Variants in TNFRSF21 observed in about 807,000 individuals in gnomAD.
TNFRSF21 encodes TNF receptor superfamily member 21.
Under a neutral mutation model 45.6 loss-of-function variants are expected in TNFRSF21, and 19 were observed. The ratio of observed to expected loss-of-function variants is 0.42; its 90% CI spans 0.29 to 0.61. The LOEUF (loss-of-function observed/expected upper bound fraction) is 0.61, where lower values mean the gene tolerates loss of function less well. Ranked by LOEUF, TNFRSF21 falls within the 20% of genes least tolerant of loss-of-function variation. TNFRSF21 has a pLI of 0.23. For synonymous variants in TNFRSF21, 314 were observed against 335.5 expected (o/e 0.94, Z 0.70); for missense variants, 737 against 851.5 (o/e 0.87, Z 1.67).
intron 1 of TNFRSF21, among the ~76,000 whole-genome samples, chr6:47,305,971 T>C (rs1270473655): frequency 1.3e-5 from 2 of 152,190 alleles, no homozygotes; most frequent in Non-Finnish European, 2.9e-5. Flanking sequence ...ATGGATCTTG[T>C]CTCTGCCTTA....
At chr6:47,243,735 C>T (rs1764783083) in intron 4 of TNFRSF21, among the ~76,000 whole-genome samples, 1 of 152,108 alleles carries the variant, frequency 6.6e-6, no homozygotes, top group South Asian at 2.1e-4. Context: ...CTATTCTTCA[C>T]CTGGCCTTTT....
rs1338795760 is a variant in TNFRSF21 at position 47,284,235 on chromosome 6, T to C, written c.946A>G (p.Met316Val). ...GACTTCTCGCCCCCAGTGGCCTCCA[T>C]GGACGGCAGCAGCTTCAGGATGTGT... is the stretch of plus-strand genomic sequence containing the variant. Reference protein sequence around the residue: ...HRHILKLLPSMEATGGEKSST... With the variant: ...HRHILKLLPSVEATGGEKSST... The change falls in exon 3 of 6, where the codon ATG becomes GTG. Residue 316 changes from methionine (M) to valine (V), a missense_variant. Physicochemically the swap from Met to Val is conservative, Grantham distance 21. Transcript: ENST00000296861. 4 of 1,613,864 alleles carry C rather than the reference T, an allele frequency of 2.5e-6. No individual in the cohort carries two copies. Among genetic ancestry groups the C allele is most frequent in the South Asian group, 1.1e-5 (1 of 91,054 alleles).
At chr6:47,286,918 G>GT (rs1762657836) in intron 1 of TNFRSF21, among the ~76,000 whole-genome samples, 1 of 152,156 alleles carries the variant, frequency 6.6e-6, no homozygotes, top group South Asian at 2.1e-4. Flanking sequence ...TTGAGAATAT[G>GT]TATGTGAAAA....
chr6:47,269,208 C>T (rs1762378232), intron 3 of TNFRSF21, among the ~76,000 whole-genome samples: 1 of 151,304 alleles, frequency 6.6e-6, no homozygotes, highest in Admixed American at 6.6e-5. Context: ...CACACACACA[C>T]AGACACACAC....
rs991000154 is a variant in TNFRSF21, at chr6:47,255,515, G to A, written c.1244-1994C>T. Among the ~76,000 whole-genome samples the A allele has an allele frequency of 5.1e-4, 77 of 151,900 alleles. 2 individuals are homozygous for A. The highest frequency in any genetic ancestry group is 6.8e-3 in the Middle Eastern group (2 of 292). ...TTGCTCTTGTCAGCTAGGCTGGAGT[G>A]CAATGGTGCCATCTCGGCTCACTGC... On this transcript the variant is annotated intron_variant, in intron 3 of 5. Transcript: ENST00000296861.
At position 47,306,178 on chromosome 6, in the gene TNFRSF21, T is replaced by C. The variant is rs539170197; in HGVS notation, c.96+3238A>G. 2.6e-5 allele frequency among the ~76,000 whole-genome samples: 4 copies of C among 152,362 alleles called. No individual in the cohort carries two copies. The South Asian group carries it at 6.2e-4, about 24-fold the overall frequency. On this transcript the variant is annotated intron_variant, in intron 1 of 5. Coordinates refer to ENST00000296861, the MANE Select transcript of TNFRSF21 (RefSeq NM_014452.5). ...AACCCAGCTCTTGTCTTTCAGTGTA[T>C]GTTTTACTTTCTATTATCATGCAGA...
chr6:47,286,294 C>T lies in TNFRSF21; in HGVS notation c.398G>A (p.Cys133Tyr), dbSNP rs1388196861. Residue 133 changes from cysteine to tyrosine, a missense_variant, in exon 2 of 6, where the codon TGC becomes TAC. Physicochemically the swap from Cys to Tyr is radical, Grantham distance 194. Transcript: ENST00000296861. ...GTTAGACTGGAACATGCCAGGTGGG[C>T]AAGTGCATTCTCGGTCAGTCAAGGC... ...CAALTDRECTCPPGMFQSNAT... is the reference protein window; with the variant it reads ...CAALTDRECTYPPGMFQSNAT... The T allele has an allele frequency of 6.2e-7, 1 of 1,614,256 alleles. No individual in the cohort carries two copies. The highest frequency in any genetic ancestry group is 8.5e-7 in the Non-Finnish European group (1 of 1,180,048).
In TNFRSF21 at chr6:47,253,637, T is replaced by A. The variant is rs139718415; in HGVS notation, c.1244-116A>T. On this transcript the variant is annotated intron_variant, in intron 3 of 5. Coordinates refer to ENST00000296861, the MANE Select transcript of TNFRSF21 (RefSeq NM_014452.5). The stretch of plus-strand genomic sequence containing the variant: ...AGGCACGCTTTCCTATCGCTGTATG[T>A]CAAAGGAATGCATTGCCTCCCTTAA... 5 of 1,249,964 alleles carry A rather than the reference T, an allele frequency of 4.0e-6. No individual in the cohort carries two copies. In the African/African-American group the frequency reaches 7.5e-5, roughly 19 times the overall value. 77.4% of individuals were successfully genotyped at this position (1,249,964 alleles called of 1,614,324 possible).
At position 47,275,463 on chromosome 6, in the gene TNFRSF21, T is replaced by C. The variant is rs369168029; in HGVS notation, c.1243+8475A>G. On this transcript the variant is annotated intron_variant, in intron 3 of 5. Coordinates refer to ENST00000296861, the MANE Select transcript of TNFRSF21 (RefSeq NM_014452.5). ...GGTGGGAACTGAACAACGAGATTACTTGGACACAGGGTGGGGAACATCACC... is the reference window on the plus strand; with the variant it reads ...GGTGGGAACTGAACAACGAGATTACCTGGACACAGGGTGGGGAACATCACC... Among the ~76,000 whole-genome samples, 5 of 152,010 alleles carry C rather than the reference T, an allele frequency of 3.3e-5. No homozygotes were observed. The East Asian group carries it at 7.7e-4, about 24-fold the overall frequency.
intron 1 of TNFRSF21, among the ~76,000 whole-genome samples, chr6:47,306,327 C>G (rs1245911797): frequency 6.6e-6 from 1 of 152,240 alleles, no homozygotes; most frequent in African/African-American, 2.4e-5. Flanking sequence ...TGAGCCTTCT[C>G]TGTTGTTACA....
chr6:47,266,818 G>C (rs1040121216), intron 3 of TNFRSF21, among the ~76,000 whole-genome samples: 4 of 152,148 alleles, frequency 2.6e-5, no homozygotes, highest in African/African-American at 9.7e-5. Context: ...TTATCATTAC[G>C]GGGAGTAAAA....
chr6:47,275,443 G>A (rs866370383), intron 3 of TNFRSF21, among the ~76,000 whole-genome samples: 17 of 152,198 alleles, frequency 1.1e-4, no homozygotes, highest in Middle Eastern at 3.4e-3. Context: ...TCATAGGTGG[G>A]AACTGAACAA....
In TNFRSF21 at chr6:47,286,451, T is replaced by C. The variant is rs200152044; in HGVS notation, c.241A>G (p.Thr81Ala). The change falls in exon 2 of 6, where the codon ACC becomes GCC. Residue 81 changes from threonine to alanine, a missense_variant. Physicochemically the swap from Thr to Ala is moderately conservative, Grantham distance 58. Coordinates refer to ENST00000296861, the MANE Select transcript of TNFRSF21 (RefSeq NM_014452.5). ...CTGCAGACGCGCAGGCTTGTGTTGG[T>C]ACAATGCTCAGAGACATAGGTTCCT... is the stretch of plus-strand genomic sequence containing the variant. Reference protein sequence around the residue: ...PAGTYVSEHCTNTSLRVCSSC... With the variant: ...PAGTYVSEHCANTSLRVCSSC... 6.2e-6 allele frequency: 10 copies of C among 1,614,088 alleles called. No homozygotes were observed. Among genetic ancestry groups the C allele is most frequent in the Non-Finnish European group, 8.5e-6 (10 of 1,180,052 alleles).
chr6:47,241,527 C>A (rs1764742979), intron 4 of TNFRSF21, among the ~76,000 whole-genome samples: 1 of 151,904 alleles, frequency 6.6e-6, no homozygotes, highest in African/African-American at 2.4e-5. Context: ...TGGAAAAATG[C>A]TGATTTCTAA....
In TNFRSF21 at chr6:47,272,485, G is replaced by A. The variant is rs147449970; in HGVS notation, c.1243+11453C>T. On this transcript the variant is annotated intron_variant, in intron 3 of 5. Coordinates refer to ENST00000296861, the MANE Select transcript of TNFRSF21 (RefSeq NM_014452.5). Reference sequence around the variant, plus strand: ...AAACCAATGAGAACAAAGACACAACGTACCAGAATCTCTGGGACACATTTA... The same window carrying A: ...AAACCAATGAGAACAAAGACACAACATACCAGAATCTCTGGGACACATTTA... 9.4e-3 allele frequency among the ~76,000 whole-genome samples: 1,427 copies of A among 152,122 alleles called. 25 individuals carry two copies. The highest frequency in any genetic ancestry group is 0.032 in the African/African-American group (1,329 of 41,518).
chr6:47,267,034 C>T (rs1489549706), intron 3 of TNFRSF21, among the ~76,000 whole-genome samples: 1 of 152,120 alleles, frequency 6.6e-6, no homozygotes, highest in Admixed American at 6.6e-5. Flanking sequence ...TTCCTTCCTT[C>T]CAGCCTCTAA....
intron 1 of TNFRSF21, among the ~76,000 whole-genome samples, chr6:47,288,612 T>G (rs1233326671): frequency 6.6e-6 from 1 of 151,514 alleles, no homozygotes; most frequent in Non-Finnish European, 1.5e-5. Context: ...TGCTGAATAG[T>G]TCTCTTCCTT....
At chr6:47,274,777 G>T (rs1235154522) in intron 3 of TNFRSF21, among the ~76,000 whole-genome samples, 1 of 151,776 alleles carries the variant, frequency 6.6e-6, no homozygotes, top group African/African-American at 2.4e-5. Context: ...ACAAAGAACT[G>T]AAACAAATTT....
chr6:47,248,490 GA>G (rs546880168), intron 4 of TNFRSF21, among the ~76,000 whole-genome samples: 14 of 150,066 alleles, frequency 9.3e-5, no homozygotes, highest in African/African-American at 2.9e-4. Context: ...AGGGGGGAGT[GA>G]AAAAAAAACA....
Sources: allele counts gnomAD v4.1 joint callset (sites outside exome capture counted in the v4.1 genomes callset), GRCh38; gene constraint gnomAD v4.1.1; transcripts MANE v1.5; gene names NCBI Gene and HGNC (gene_info 2026-07-23, HGNC 2026-07-21).